The following ERO1A variants were observed in gnomAD, a reference collection of about 807,000 sequenced individuals.
The protein encoded by ERO1A is ERO1-like protein alpha.
Under a neutral mutation model 76.9 loss-of-function variants are expected in ERO1A, and 49 were observed. The observed-to-expected ratio is 0.64, with a 90% CI of 0.51 to 0.81. The LOEUF (loss-of-function observed/expected upper bound fraction) is 0.81. Among genes scored for constraint, ERO1A ranks in the 30% least tolerant of loss-of-function variants. The pLI, the probability that ERO1A is intolerant of heterozygous loss-of-function variation, is 0.00. For synonymous variants in ERO1A, 174 were observed against 181.2 expected (o/e 0.96, Z 0.32); for missense variants, 448 against 542.1 (o/e 0.83, Z 1.72).
chr14:52,671,440 T>C, intron 6 of ERO1A, 190 bp downstream of exon 6: 2 of 432,670 alleles, frequency 4.6e-6, no homozygotes, highest in Non-Finnish European at 8.2e-6. Context: ...TAATAACTTT[T>C]TTCTGAGATG....
At chr14:52,692,383 T>C (rs2041382471) in intron 1 of ERO1A, among the ~76,000 whole-genome samples, 1 of 152,136 alleles carries the variant, frequency 6.6e-6, no homozygotes, top group Non-Finnish European at 1.5e-5. Context: ...AACCCTACTA[T>C]AAGCCAGGCA....
At chr14:52,661,913 A>G (rs1368945809) in intron 8 of ERO1A, among the ~76,000 whole-genome samples, 1 of 151,944 alleles carries the variant, frequency 6.6e-6, no homozygotes, top group East Asian at 1.9e-4. Flanking sequence ...TTGCAAATAT[A>G]TGTTTTTAAA....
At chr14:52,655,838 A>C (rs1045658968) in intron 11 of ERO1A, among the ~76,000 whole-genome samples, 1 of 152,092 alleles carries the variant, frequency 6.6e-6, no homozygotes, top group Admixed American at 6.6e-5. Flanking sequence ...CAGTCATAAG[A>C]CCATAAGCAA....
intron 1 of ERO1A, among the ~76,000 whole-genome samples, chr14:52,684,660 T>C (rs970752720): frequency 6.6e-6 from 1 of 152,168 alleles, no homozygotes; most frequent in Non-Finnish European, 1.5e-5. Flanking sequence ...AACAGCAAAC[T>C]GACCTCAAAG....
At chr14:52,689,731 A>G (rs1412072400) in intron 1 of ERO1A, among the ~76,000 whole-genome samples, 2 of 152,202 alleles carry the variant, frequency 1.3e-5, no homozygotes, top group Non-Finnish European at 2.9e-5. Context: ...TGCAGATTCA[A>G]TGCAATTTCT....
intron 13 of ERO1A, among the ~76,000 whole-genome samples, chr14:52,651,502 C>A (rs1164273734): frequency 1.6e-5 from 2 of 128,336 alleles, no homozygotes; most frequent in African/African-American, 5.5e-5. Context: ...CGGCAATATA[C>A]AGATATCAGT....
At chr14:52,649,590 T>C (rs1306990935) in intron 13 of ERO1A, among the ~76,000 whole-genome samples, 1 of 151,698 alleles carries the variant, frequency 6.6e-6, no homozygotes, top group African/African-American at 2.4e-5. Flanking sequence ...ATCTTTCTAA[T>C]CTGCATGATT....
chr14:52,670,384 G>T (rs1239204328), intron 6 of ERO1A, among the ~76,000 whole-genome samples: 2 of 152,124 alleles, frequency 1.3e-5, no homozygotes, highest in African/African-American at 2.4e-5. Context: ...TGTTTTTTTG[G>T]TCTTTTGTTT....
chr14:52,685,143 CA>C (rs2041138755), intron 1 of ERO1A, among the ~76,000 whole-genome samples: 1 of 151,996 alleles, frequency 6.6e-6, no homozygotes, highest in African/African-American at 2.4e-5. Context: ...TATTTCAGAA[CA>C]CTGTAAAATC....
intron 1 of ERO1A, among the ~76,000 whole-genome samples, chr14:52,694,334 G>A (rs1243500953): frequency 6.6e-6 from 1 of 151,850 alleles, no homozygotes; most frequent in Non-Finnish European, 1.5e-5. Context: ...TAGTTTCCTA[G>A]ATAACACTCA....
chr14:52,684,118 G>GACACACACACACACACACAC (rs60355765), intron 1 of ERO1A, among the ~76,000 whole-genome samples: 91 of 134,616 alleles, frequency 6.8e-4, no homozygotes, highest in South Asian at 3.0e-3. Context: ...CAGAGCTCAT[G>GACACACACACACACACACAC]ACACACACAC....
At chr14:52,672,782 AAAAAAAAAAAAC>A (rs1430588526) in intron 4 of ERO1A, among the ~76,000 whole-genome samples, 2 of 150,598 alleles carry the variant, frequency 1.3e-5, no homozygotes, top group Non-Finnish European at 1.5e-5. Context: ...TGACCAAAAA[AAAAAAAAAAAAC>A]AAAAAACAAA....
At chr14:52,672,030 T>TA in intron 4 of ERO1A, 159 bp from the exon 5 acceptor site, 1 of 576,370 alleles carries the variant, frequency 1.7e-6, no homozygotes, top group Non-Finnish European at 3.0e-6. Flanking sequence ...TCAGGCCAGG[T>TA]ACGGTGGCTC....
At chr14:52,652,529 G>T (rs996844834) in intron 12 of ERO1A, among the ~76,000 whole-genome samples, 1 of 151,928 alleles carries the variant, frequency 6.6e-6, no homozygotes, top group African/African-American at 2.4e-5. Context: ...AAATAAACAT[G>T]AAAATAATAC....
intron 13 of ERO1A, among the ~76,000 whole-genome samples, chr14:52,647,629 T>A (rs982140149): frequency 6.6e-6 from 1 of 152,144 alleles, no homozygotes; most frequent in Non-Finnish European, 1.5e-5. Context: ...TAGGGCGACA[T>A]GCATCCAGCT....
chr14:52,644,257 C>T (rs192892083), intron 15 of ERO1A, among the ~76,000 whole-genome samples: 272 of 152,140 alleles, frequency 1.8e-3, no homozygotes, highest in Non-Finnish European at 3.3e-3. Context: ...AGTTTGAGAC[C>T]AGCAAGGGCA....
intron 4 of ERO1A, among the ~76,000 whole-genome samples, chr14:52,675,522 T>G (rs76801837): frequency 0.024 from 3,682 of 152,296 alleles, 122 homozygotes; most frequent in African/African-American, 0.07. Context: ...TTAGTCTAAA[T>G]GAAAAGTCAC....
At position 52,647,600 on chromosome 14, in the gene ERO1A, A is replaced by AC. The variant is rs1485603333; in HGVS notation, c.1126-1140_1126-1139insG. Among the ~76,000 whole-genome samples, 105 of 152,138 alleles carry AC rather than the reference A, an allele frequency of 6.9e-4. 1 individual carries two copies. Among genetic ancestry groups the AC allele is most frequent in the African/African-American group, 2.4e-3 (98 of 41,510 alleles). ...ATATGTATACATCCATGAACCCTAG[A>AC]ATATTATATCATTTATAATAGGGCG... On this transcript the variant is annotated intron_variant, in intron 13 of 15. Coordinates refer to ENST00000395686, the MANE Select transcript of ERO1A (RefSeq NM_014584.3).
At position 52,640,246 on chromosome 14, in the gene ERO1A, C is replaced by T. The variant is rs2039427840; in HGVS notation, c.*3324G>A. On this transcript the variant is annotated 3_prime_UTR_variant, in exon 16 of 16. Transcript: ENST00000395686. The stretch of plus-strand genomic sequence containing the variant: ...AGGTAGGTTGTAATTACAGTGGTGA[C>T]ACGAAAGTGGAAGTTAGATGACTCT... 1 of 149,588 alleles carries T rather than the reference C, an allele frequency of 6.7e-6. No homozygotes were observed. The highest frequency in any genetic ancestry group is 2.4e-5 in the African/African-American group (1 of 40,954). 9.3% of individuals were successfully genotyped at this position (149,588 alleles called of 1,614,324 possible). A position where few individuals can be genotyped will look rare whatever the true frequency, so the allele number is the denominator to read the frequency against.
Sources: allele counts gnomAD v4.1 joint callset (sites outside exome capture counted in the v4.1 genomes callset), GRCh38; gene constraint gnomAD v4.1.1; transcripts MANE v1.5; gene names NCBI Gene and HGNC (gene_info 2026-07-23, HGNC 2026-07-21).